The following SCMH1 variants were observed in gnomAD, a reference collection of about 807,000 sequenced individuals.
SCMH1 encodes polycomb protein SCMH1.
Under a neutral mutation model 70.8 loss-of-function variants are expected in SCMH1, and 37 were observed. That is an observed-to-expected ratio of 0.52 (90% confidence interval 0.40 to 0.69). The LOEUF is 0.69. Ranked by LOEUF, SCMH1 falls within the 30% of genes least tolerant of loss-of-function variation. The pLI, the probability that SCMH1 is intolerant of heterozygous loss-of-function variation, is 0.00. For missense variants in SCMH1, 607 were observed against 827.3 expected (o/e 0.73, Z 3.27); for synonymous variants, 292 against 307.4 (o/e 0.95, Z 0.52).
intron 2 of SCMH1, among the ~76,000 whole-genome samples, chr1:41,169,989 T>A (rs944082537): frequency 6.6e-6 from 1 of 151,908 alleles, no homozygotes; most frequent in Admixed American, 6.6e-5. Flanking sequence ...GCCCCTAAAC[T>A]CCCCCAATGT....
At chr1:41,062,752 A>AG (rs1189154729) in intron 10 of SCMH1, among the ~76,000 whole-genome samples, 1 of 150,156 alleles carries the variant, frequency 6.7e-6, no homozygotes, top group Non-Finnish European at 1.5e-5. Context: ...AAAAAAAAAA[A>AG]AAAAGAAAAA....
intron 5 of SCMH1, among the ~76,000 whole-genome samples, chr1:41,143,701 C>A (rs985966685): frequency 2.0e-5 from 3 of 152,096 alleles, no homozygotes; most frequent in African/African-American, 7.2e-5. Context: ...ATGAACATGG[C>A]CATTATCCTC....
intron 12 of SCMH1, among the ~76,000 whole-genome samples, chr1:41,046,135 CAGAA>C (rs1558412205): frequency 6.6e-6 from 1 of 152,108 alleles, no homozygotes; most frequent in African/African-American, 2.4e-5. Context: ...GTCTGAAACT[CAGAA>C]GGGGAATTGC....
chr1:41,092,001 T>C (rs1004983591), intron 8 of SCMH1, among the ~76,000 whole-genome samples: 8 of 152,138 alleles, frequency 5.3e-5, no homozygotes, highest in Admixed American at 2.0e-4. Context: ...ATGACTTTCT[T>C]CACAGAATTG....
chr1:41,213,651 C>T (rs1320253398), intron 1 of SCMH1, among the ~76,000 whole-genome samples: 1 of 152,126 alleles, frequency 6.6e-6, no homozygotes, highest in Non-Finnish European at 1.5e-5. Context: ...CCGCTTTGTC[C>T]AATTCTATTG....
At chr1:41,240,746 CTT>C (rs200850811) in intron 1 of SCMH1, among the ~76,000 whole-genome samples, 137 of 138,000 alleles carry the variant, frequency 9.9e-4, no homozygotes, top group Admixed American at 1.1e-3. Flanking sequence ...TAAATGTTTT[CTT>C]TTTTTTTTTT....
At chr1:41,187,654 G>A (rs1572929336) in intron 1 of SCMH1, among the ~76,000 whole-genome samples, 1 of 151,616 alleles carries the variant, frequency 6.6e-6, no homozygotes, top group South Asian at 2.1e-4. Flanking sequence ...CCTGTAAAGA[G>A]GTTAAGGCAG....
chr1:41,061,857 A>C (rs746339315), intron 10 of SCMH1, among the ~76,000 whole-genome samples: 4 of 152,194 alleles, frequency 2.6e-5, no homozygotes, highest in South Asian at 2.1e-4. Context: ...TATTTTTTTA[A>C]TTTTTAAAAT....
exon 15 of SCMH1, chr1:41,028,119 T>C (rs1558241332): frequency 3.8e-6 from 6 of 1,585,830 alleles, no homozygotes; most frequent in East Asian, 4.5e-5. Context: ...GTGCCTGGGG[T>C]GGGCTGATGC....
intron 3 of SCMH1, 55 bp from the exon 4 acceptor site, chr1:41,160,953 G>A: frequency 3.4e-6 from 5 of 1,478,888 alleles, no homozygotes; most frequent in South Asian, 2.4e-5. Context: ...ATACCAACAT[G>A]ATGGAAGGTG....
chr1:41,228,007 C>G (rs1180579186), intron 1 of SCMH1, among the ~76,000 whole-genome samples: 1 of 152,058 alleles, frequency 6.6e-6, no homozygotes, highest in African/African-American at 2.4e-5. Flanking sequence ...AAAAACAAAA[C>G]AAAAGGAGGC....
intron 8 of SCMH1, among the ~76,000 whole-genome samples, chr1:41,082,309 TAGAG>T (rs1236361401): frequency 4.6e-5 from 7 of 151,994 alleles, no homozygotes; most frequent in African/African-American, 9.7e-5. Context: ...TAAGGGCAGC[TAGAG>T]AGAAAGGTCG....
At chr1:41,087,089 C>G (rs1412635258) in intron 8 of SCMH1, among the ~76,000 whole-genome samples, 1 of 151,952 alleles carries the variant, frequency 6.6e-6, no homozygotes, top group Admixed American at 6.6e-5. Context: ...ACACATAAAT[C>G]TGGGATATGA....
At chr1:41,181,223 T>C (rs1444767371) in intron 2 of SCMH1, among the ~76,000 whole-genome samples, 2 of 152,148 alleles carry the variant, frequency 1.3e-5, no homozygotes, top group Non-Finnish European at 2.9e-5. Context: ...ACTTAAATGT[T>C]AGACCTAAAC....
Position 41,028,540 on chromosome 1 carries a change from T to G in SCMH1, c.1821+44A>C, listed in dbSNP as rs188686145. The G allele has an allele frequency of 5.6e-6, 9 of 1,611,142 alleles. No homozygotes were observed. The Admixed American group carries it at 6.7e-5, about 12-fold the overall frequency. On this transcript the variant is annotated intron_variant, in intron 14 of 14. Transcript: ENST00000337495. ...TCGTATTGTCCCCACCAGGTGAGGC[T>G]CTCCACACAGGTTCCTACTGAGAGG...
chr1:41,198,831 T>A (rs149635453), intron 1 of SCMH1, among the ~76,000 whole-genome samples: 1 of 152,202 alleles, frequency 6.6e-6, no homozygotes, highest in Non-Finnish European at 1.5e-5. Flanking sequence ...GAAATCTTCA[T>A]GTGAAAAGCA....
intron 12 of SCMH1, among the ~76,000 whole-genome samples, chr1:41,040,896 C>A (rs1207577008): frequency 2.1e-5 from 3 of 142,326 alleles, no homozygotes; most frequent in African/African-American, 7.3e-5. Context: ...AAAACAAAAA[C>A]AAAACAACAA....
chr1:41,197,693 A>G (rs1653358487), intron 1 of SCMH1, among the ~76,000 whole-genome samples: 1 of 146,636 alleles, frequency 6.8e-6, no homozygotes, highest in Non-Finnish European at 1.6e-5. Flanking sequence ...TTTTGCCACA[A>G]TTAAAAAAAA....
intron 9 of SCMH1, among the ~76,000 whole-genome samples, chr1:41,073,530 C>T (rs147530539): frequency 2.0e-5 from 3 of 152,140 alleles, no homozygotes; most frequent in African/African-American, 7.2e-5. Flanking sequence ...AGGAGTATTA[C>T]GTGTTACACA....
Sources: gnomAD v4.1 joint callset for allele counts (sites outside exome capture counted in the v4.1 genomes callset) on GRCh38, gnomAD v4.1.1 for gene constraint, MANE v1.5 for transcripts, NCBI Gene and HGNC (gene_info 2026-07-23, HGNC 2026-07-21) for gene names.